FHIT: variants seen among roughly 807,000 people sequenced by gnomAD.
The protein encoded by FHIT is bis(5'-adenosyl)-triphosphatase.
In FHIT, 19 loss-of-function variants were observed where a neutral mutation model predicts 17.9. The observed-to-expected ratio is 1.06, with a 90% CI of 0.74 to 1.56. FHIT has a LOEUF of 1.56. Among genes scored for constraint, FHIT ranks in the 40% most tolerant of loss-of-function variants. The pLI is 0.00. For missense variants in FHIT, 248 were observed against 189.2 expected (o/e 1.31, Z -1.82); for synonymous variants, 81 against 69.7 (o/e 1.16, Z -0.81).
intron 8 of FHIT, among the ~76,000 whole-genome samples, chr3:59,883,216 C>T (rs564705246): frequency 7.2e-5 from 11 of 152,268 alleles, no homozygotes; most frequent in Non-Finnish European, 1.6e-4. Flanking sequence ...ATATTAAAAA[C>T]TCTGTAATTC....
At chr3:61,173,328 A>C (rs1254407394) in intron 2 of FHIT, among the ~76,000 whole-genome samples, 1 of 152,196 alleles carries the variant, frequency 6.6e-6, no homozygotes, top group Non-Finnish European at 1.5e-5. Context: ...GAGATTCGAC[A>C]ATTTACTAAT....
chr3:60,668,040 G>A (rs1298819915), intron 4 of FHIT, among the ~76,000 whole-genome samples: 1 of 152,042 alleles, frequency 6.6e-6, no homozygotes, highest in African/African-American at 2.4e-5. Context: ...TGAGAACAAA[G>A]AGGCTTCCTA....
Position 61,014,807 on chromosome 3 carries a change from A to AAAATATATAT in FHIT, c.-111+27239_-111+27240insATATATATTT, listed in dbSNP as rs1553798839. 6.9e-4 allele frequency among the ~76,000 whole-genome samples: 34 copies of AAAATATATAT among 49,076 alleles called. 1 individual carries two copies. The highest frequency in any genetic ancestry group is 1.5e-3 in the African/African-American group (27 of 18,516). The allele number at this position is 49,076 out of a possible 152,430, so 32.2% of individuals were successfully genotyped here. A position where few individuals can be genotyped will look rare whatever the true frequency, so the allele number is the denominator to read the frequency against. The stretch of plus-strand genomic sequence containing the variant: ...AAAAAAAAAAAAAAAAAAAAAAAAA[A>AAAATATATAT]ATATATATATATATATATGTATACA... On this transcript the variant is annotated intron_variant, in intron 3 of 9. Transcript: ENST00000492590.
intron 5 of FHIT, among the ~76,000 whole-genome samples, chr3:60,228,428 A>G (rs1211529422): frequency 6.6e-6 from 1 of 152,176 alleles, no homozygotes; most frequent in Admixed American, 6.5e-5. Flanking sequence ...AATACACTAA[A>G]AAAGCCACTG....
intron 2 of FHIT, among the ~76,000 whole-genome samples, chr3:61,052,953 G>A (rs1364029221): frequency 6.6e-6 from 1 of 152,128 alleles, no homozygotes; most frequent in Non-Finnish European, 1.5e-5. Flanking sequence ...TAAAGAACTT[G>A]TGAAATTTTC....
At chr3:60,717,888 A>G (rs532110474) in intron 4 of FHIT, among the ~76,000 whole-genome samples, 24 of 152,302 alleles carry the variant, frequency 1.6e-4, no homozygotes, top group African/African-American at 5.5e-4. Flanking sequence ...AATCAACTCA[A>G]CAAAAGCTGA....
chr3:60,710,772 G>C (rs1241698010), intron 4 of FHIT, among the ~76,000 whole-genome samples: 1 of 152,224 alleles, frequency 6.6e-6, no homozygotes, highest in African/African-American at 2.4e-5. Flanking sequence ...CAGCCTGGAA[G>C]CTCCAACTGG....
chr3:60,063,572 T>C lies in FHIT; in HGVS notation c.104-49420A>G, dbSNP rs140823535. Among the ~76,000 whole-genome samples the C allele has an allele frequency of 3.0e-3, 452 of 152,268 alleles. 2 individuals are homozygous for C. Among genetic ancestry groups the C allele is most frequent in the African/African-American group, 0.01 (422 of 41,548 alleles). ...GCCATTCAATTTTTTTAGAAGGCCA[T>C]TGAAAGATAAGCAAATTAAATTAAA... On this transcript the variant is annotated intron_variant, in intron 5 of 9. Transcript: ENST00000492590.
intron 5 of FHIT, among the ~76,000 whole-genome samples, chr3:60,161,219 T>C (rs1477838017): frequency 6.6e-6 from 1 of 152,218 alleles, no homozygotes; most frequent in Non-Finnish European, 1.5e-5. Context: ...ATCGGTAGCA[T>C]TGCCAACTGC....
At chr3:60,575,633 C>A in intron 4 of FHIT, among the ~76,000 whole-genome samples, 1 of 152,154 alleles carries the variant, frequency 6.6e-6, no homozygotes, top group East Asian at 1.9e-4. Flanking sequence ...GAGCAACTGG[C>A]ATCGGAGACA....
chr3:60,077,738 AGG>A (rs138544854), intron 5 of FHIT, among the ~76,000 whole-genome samples: 4,835 of 122,610 alleles, frequency 0.039, 119 homozygotes, highest in Non-Finnish European at 0.052. Flanking sequence ...ACATATATAG[AGG>A]GGGGGGGGAG....
chr3:60,557,847 A>T (rs1331809407), intron 4 of FHIT, among the ~76,000 whole-genome samples: 1 of 152,068 alleles, frequency 6.6e-6, no homozygotes, highest in Non-Finnish European at 1.5e-5. Context: ...CCCAGTGCAG[A>T]ATCTCTGAGC....
intron 5 of FHIT, among the ~76,000 whole-genome samples, chr3:60,227,678 G>A (rs554991864): frequency 6.6e-6 from 1 of 152,058 alleles, no homozygotes; most frequent in Non-Finnish European, 1.5e-5. Flanking sequence ...TTTTTACAAG[G>A]CCATTGGATA....
intron 8 of FHIT, among the ~76,000 whole-genome samples, chr3:59,905,731 T>C (rs1187368478): frequency 6.6e-6 from 1 of 152,102 alleles, no homozygotes; most frequent in Non-Finnish European, 1.5e-5. Flanking sequence ...GAAAAGCCTA[T>C]AAAAGAATAG....
intron 4 of FHIT, among the ~76,000 whole-genome samples, chr3:60,542,357 ATACT>A (rs1204799533): frequency 6.6e-6 from 1 of 152,190 alleles, no homozygotes; most frequent in African/African-American, 2.4e-5. Context: ...TTCAGGTCAG[ATACT>A]TACTTAGATT....
intron 8 of FHIT, among the ~76,000 whole-genome samples, chr3:59,875,309 A>C (rs1298336319): frequency 6.6e-6 from 1 of 152,198 alleles, no homozygotes; most frequent in African/African-American, 2.4e-5. Flanking sequence ...TGTTTCCCCT[A>C]AACTACTACT....
At chr3:61,220,537 G>C (rs1576250249) in intron 1 of FHIT, among the ~76,000 whole-genome samples, 2 of 152,276 alleles carry the variant, frequency 1.3e-5, no homozygotes, top group Admixed American at 6.5e-5. Flanking sequence ...GAGGTGACCA[G>C]AATAATTCTT....
chr3:60,482,738 A>G (rs559096853), intron 5 of FHIT, among the ~76,000 whole-genome samples: 8 of 152,282 alleles, frequency 5.3e-5, no homozygotes, highest in African/African-American at 1.4e-4. Flanking sequence ...AAAGATCTCA[A>G]ATCAACACCC....
chr3:60,514,947 G>A (rs571557883), intron 5 of FHIT, among the ~76,000 whole-genome samples: 7 of 151,978 alleles, frequency 4.6e-5, no homozygotes, highest in African/African-American at 1.7e-4. Flanking sequence ...AAGCCAGGCT[G>A]TAATCTGTCA....
Sources: gnomAD v4.1 joint callset for allele counts (sites outside exome capture counted in the v4.1 genomes callset) on GRCh38, gnomAD v4.1.1 for gene constraint, MANE v1.5 for transcripts, NCBI Gene and HGNC (gene_info 2026-07-23, HGNC 2026-07-21) for gene names.